LARGE1: variants seen among roughly 807,000 people sequenced by gnomAD.
The protein encoded by LARGE1 is xylosyl- and glucuronyltransferase LARGE1.
Under a neutral mutation model 87.6 loss-of-function variants are expected in LARGE1, and 43 were observed. The ratio of observed to expected loss-of-function variants is 0.49; its 90% CI spans 0.38 to 0.63. The LOEUF (loss-of-function observed/expected upper bound fraction) is 0.63. Among genes scored for constraint, LARGE1 ranks in the 30% least tolerant of loss-of-function variants. LARGE1 has a pLI of 0.00. For synonymous variants in LARGE1, 434 were observed against 394.6 expected (o/e 1.10, Z -1.18); for missense variants, 802 against 1,000.2 (o/e 0.80, Z 2.67).
intron 1 of LARGE1, among the ~76,000 whole-genome samples, chr22:33,827,589 G>A (rs137935143): frequency 1.3e-5 from 2 of 152,262 alleles, no homozygotes; most frequent in East Asian, 1.9e-4. Flanking sequence ...TGGACAATAC[G>A]AACTCACATC....
chr22:33,530,720 G>C (rs1488927463), intron 6 of LARGE1, among the ~76,000 whole-genome samples: 3 of 152,158 alleles, frequency 2.0e-5, no homozygotes, highest in Non-Finnish European at 2.9e-5. Flanking sequence ...AGTCCCTGCA[G>C]AGCCTGAGTC....
rs1248176019 is a variant in LARGE1, at chr22:33,488,118, G to A, written c.788-55853C>T. ...AGGACTTGGTGAAATTTCAAACACC[G>A]TTGACTTCCAAATGTCTAGAATTGT... is the stretch of plus-strand genomic sequence containing the variant. On this transcript the variant is annotated intron_variant, in intron 6 of 14. Coordinates refer to ENST00000397394, the MANE Select transcript of LARGE1 (RefSeq NM_133642.5). Among the ~76,000 whole-genome samples, 8 of 152,190 alleles carry A rather than the reference G, an allele frequency of 5.3e-5. 1 individual carries two copies. Among genetic ancestry groups the A allele is most frequent in the East Asian group, 1.9e-4 (1 of 5,196 alleles).
At chr22:33,618,268 A>G (rs1414211877) in intron 4 of LARGE1, among the ~76,000 whole-genome samples, 1 of 152,226 alleles carries the variant, frequency 6.6e-6, no homozygotes, top group Non-Finnish European at 1.5e-5. Context: ...GCTTTCCAAA[A>G]GAGAAGAACA....
intron 1 of LARGE1, among the ~76,000 whole-genome samples, chr22:33,842,345 T>G (rs1436335791): frequency 3.3e-5 from 5 of 152,212 alleles, no homozygotes; most frequent in African/African-American, 1.2e-4. Context: ...TAAAAATAGA[T>G]TTGCCATTGT....
rs185258932 is a variant in LARGE1 at position 33,558,090 on chromosome 22, C to T, written c.787+6758G>A. Among the ~76,000 whole-genome samples the T allele has an allele frequency of 5.0e-3, 758 of 152,178 alleles. 6 individuals are homozygous for T. The highest frequency in any genetic ancestry group is 0.017 in the African/African-American group (715 of 41,522). Reference sequence around the variant, plus strand: ...TTTTAAAATTTATGTTTTTCTTCCCCGGGGCAAAACAGTCTCTCAAGTTTA... The same window carrying T: ...TTTTAAAATTTATGTTTTTCTTCCCTGGGGCAAAACAGTCTCTCAAGTTTA... On this transcript the variant is annotated intron_variant, in intron 6 of 14. Coordinates refer to ENST00000397394, the MANE Select transcript of LARGE1 (RefSeq NM_133642.5).
chr22:33,436,444 C>G (rs2067275106), intron 6 of LARGE1: 1 of 152,926 alleles, frequency 6.5e-6, no homozygotes, highest in African/African-American at 2.4e-5. Context: ...GTTTCAGAAA[C>G]CCCTGAGATT....
intron 1 of LARGE1, among the ~76,000 whole-genome samples, chr22:33,901,405 G>A (rs1389994680): frequency 6.6e-6 from 1 of 152,212 alleles, no homozygotes; most frequent in African/African-American, 2.4e-5. Flanking sequence ...TACCCAAGGG[G>A]AGCCAGGAAA....
In LARGE1 at chr22:33,457,889, C is replaced by T. The variant is rs116850015; in HGVS notation, c.788-25624G>A. 8.6e-4 allele frequency among the ~76,000 whole-genome samples: 131 copies of T among 152,122 alleles called. No individual in the cohort carries two copies. In the East Asian group the frequency reaches 0.012, roughly 14 times the overall value. ...AGAGGCTGTGTGTGTATATGGAAAA[C>T]GACACAACCTTAGTTTCAAATCCCA... is the stretch of plus-strand genomic sequence containing the variant. On this transcript the variant is annotated intron_variant, in intron 6 of 14. Coordinates refer to ENST00000397394, the MANE Select transcript of LARGE1 (RefSeq NM_133642.5).
intron 2 of LARGE1, among the ~76,000 whole-genome samples, chr22:33,681,206 G>C (rs1367673810): frequency 6.6e-6 from 1 of 152,080 alleles, no homozygotes; most frequent in East Asian, 1.9e-4. Context: ...CAAATAGCTG[G>C]GGCTGTATTG....
intron 2 of LARGE1, among the ~76,000 whole-genome samples, chr22:33,749,123 C>CT (rs982980467): frequency 2.6e-4 from 40 of 152,148 alleles, no homozygotes; most frequent in African/African-American, 9.6e-4. Context: ...GTGCTCTCCT[C>CT]TTTTTTTTGA....
At chr22:33,201,320 AAG>A (rs1924371873) in intron 11 of LARGE1, among the ~76,000 whole-genome samples, 2 of 146,280 alleles carry the variant, frequency 1.4e-5, no homozygotes, top group Non-Finnish European at 3.0e-5. Context: ...AAAAGAAAGA[AAG>A]AGAGAAAGAG....
chr22:33,532,723 G>A (rs1412729319), intron 6 of LARGE1, among the ~76,000 whole-genome samples: 1 of 152,206 alleles, frequency 6.6e-6, no homozygotes, highest in Non-Finnish European at 1.5e-5. Context: ...TTCAGACTGT[G>A]CTGATTTGTC....
chr22:33,139,135 G>C, the LARGE1 span, among the ~76,000 whole-genome samples: 1 of 152,094 alleles, frequency 6.6e-6, no homozygotes, highest in Admixed American at 6.5e-5. Flanking sequence ...ACGTGGAACT[G>C]TAAGTCCAAT....
chr22:33,272,006 C>G (rs1412816995), downstream of LARGE1, among the ~76,000 whole-genome samples: 1 of 152,194 alleles, frequency 6.6e-6, no homozygotes, highest in Non-Finnish European at 1.5e-5. Flanking sequence ...CTTTCATTCT[C>G]AGAAGTGACC....
At chr22:33,531,261 G>A (rs2072184498) in intron 6 of LARGE1, among the ~76,000 whole-genome samples, 1 of 152,132 alleles carries the variant, frequency 6.6e-6, no homozygotes, top group African/African-American at 2.4e-5. Context: ...GGGTTCAAGT[G>A]ATTCTCCTGC....
chr22:33,368,978 T>C (rs928092178), intron 9 of LARGE1, among the ~76,000 whole-genome samples: 3 of 152,034 alleles, frequency 2.0e-5, no homozygotes, highest in Admixed American at 6.6e-5. Flanking sequence ...AGGGTGGTGG[T>C]TGTTGGAAGG....
chr22:33,131,840 C>T, the LARGE1 span, among the ~76,000 whole-genome samples: 1 of 150,892 alleles, frequency 6.6e-6, no homozygotes, highest in East Asian at 2.0e-4. Flanking sequence ...TAAAGACATA[C>T]CTGAGACTAG....
intron 1 of LARGE1, among the ~76,000 whole-genome samples, chr22:33,879,592 T>C (rs568916201): frequency 6.6e-6 from 1 of 152,342 alleles, no homozygotes; most frequent in Non-Finnish European, 1.5e-5. Flanking sequence ...CTAGAATATC[T>C]TTTCCCATCG....
At chr22:33,907,844 G>A (rs1386523671) in intron 1 of LARGE1, among the ~76,000 whole-genome samples, 5 of 152,136 alleles carry the variant, frequency 3.3e-5, no homozygotes, top group Admixed American at 6.5e-5. Flanking sequence ...TGATCCACCC[G>A]CCTCGGCCTC....
Sources: allele counts gnomAD v4.1 joint callset (sites outside exome capture counted in the v4.1 genomes callset), GRCh38; gene constraint gnomAD v4.1.1; transcripts MANE v1.5; gene names NCBI Gene and HGNC (gene_info 2026-07-23, HGNC 2026-07-21).